Variants in ROBO2 observed in about 807,000 individuals in gnomAD.
ROBO2 encodes the protein roundabout homolog 2.
Under a neutral mutation model 160.8 loss-of-function variants are expected in ROBO2, and 53 were observed. The ratio of observed to expected loss-of-function variants is 0.33; its 90% CI spans 0.26 to 0.41. ROBO2 has a LOEUF of 0.41. Among genes scored for constraint, ROBO2 ranks in the 10% least tolerant of loss-of-function variants. ROBO2 has a pLI of 1.00. For synonymous variants in ROBO2, 664 were observed against 611.7 expected, an observed-to-expected ratio of 1.09 and a Z score of -1.26; for missense variants, 1,577 against 1,722.4, an observed-to-expected ratio of 0.92 and a Z score of 1.49.
At chr3:77,557,694 T>C (rs1452852101) in intron 8 of ROBO2, among the ~76,000 whole-genome samples, 1 of 152,018 alleles carries the variant, frequency 6.6e-6, no homozygotes, top group Non-Finnish European at 1.5e-5. Context: ...ATTTTAATTA[T>C]AGGTAATGCA....
At chr3:76,127,123 A>G (rs1026824792) in intron 2 of ROBO2, among the ~76,000 whole-genome samples, 1 of 152,128 alleles carries the variant, frequency 6.6e-6, no homozygotes, top group Admixed American at 6.5e-5. Context: ...CTTAAAGATG[A>G]TCCATTACTA....
intron 2 of ROBO2, among the ~76,000 whole-genome samples, chr3:76,669,000 T>G (rs1196653539): frequency 6.6e-6 from 1 of 152,098 alleles, no homozygotes; most frequent in Non-Finnish European, 1.5e-5. Flanking sequence ...ATGAGACGCC[T>G]TTTTTGTAGT....
chr3:76,065,640 T>C (rs1225741468), intron 2 of ROBO2, among the ~76,000 whole-genome samples: 1 of 151,504 alleles, frequency 6.6e-6, no homozygotes, highest in Non-Finnish European at 1.5e-5. Flanking sequence ...AAGTAAAAAT[T>C]ATCTGACAAA....
intron 2 of ROBO2, among the ~76,000 whole-genome samples, chr3:76,059,032 C>G (rs1435684270): frequency 2.0e-5 from 3 of 150,596 alleles, no homozygotes; most frequent in Non-Finnish European, 3.0e-5. Flanking sequence ...GCCACATTTT[C>G]TTAATCCAGT....
At chr3:76,213,576 A>C (rs576511301) in intron 2 of ROBO2, among the ~76,000 whole-genome samples, 1 of 152,168 alleles carries the variant, frequency 6.6e-6, no homozygotes, top group African/African-American at 2.4e-5. Flanking sequence ...ACCTTTATAC[A>C]TCTATTTTTA....
chr3:77,601,627 A>C (rs1412233868), intron 19 of ROBO2, among the ~76,000 whole-genome samples: 2 of 152,232 alleles, frequency 1.3e-5, no homozygotes, highest in Non-Finnish European at 1.5e-5. Context: ...TATATTGTGA[A>C]AATGGCTTAC....
At chr3:77,040,170 G>C (rs1203878717) in exon 1 of ROBO2, 2 of 985,638 alleles carry the variant, frequency 2.0e-6, no homozygotes, top group African/African-American at 3.5e-5. Context: ...CCGGAGAGGT[G>C]GAGGGAGGGC....
chr3:77,587,102 A>G (rs1238412891), intron 16 of ROBO2, among the ~76,000 whole-genome samples: 1 of 152,090 alleles, frequency 6.6e-6, no homozygotes, highest in African/African-American at 2.4e-5. Context: ...GGTCAGCAGA[A>G]TGGGAAATGG....
intron 2 of ROBO2, among the ~76,000 whole-genome samples, chr3:77,159,756 A>G (rs181349120): frequency 2.0e-4 from 30 of 152,278 alleles, no homozygotes; most frequent in Non-Finnish European, 1.0e-4. Context: ...TGAAATTATA[A>G]AAGTGTGTAA....
intron 2 of ROBO2, among the ~76,000 whole-genome samples, chr3:76,755,612 T>G (rs2060925761): frequency 6.6e-6 from 1 of 151,920 alleles, no homozygotes; most frequent in Admixed American, 6.6e-5. Flanking sequence ...TTTGTTCTCA[T>G]GGTGACACCT....
chr3:76,119,885 CCCTTCCCTT>C (rs772382258), intron 2 of ROBO2, among the ~76,000 whole-genome samples: 1 of 136,130 alleles, frequency 7.3e-6, no homozygotes, highest in Non-Finnish European at 1.5e-5. Flanking sequence ...TCCCTTCCTT[CCCTTCCCTT>C]CCTTCCCTTC....
intron 2 of ROBO2, among the ~76,000 whole-genome samples, chr3:76,761,297 C>T (rs1284577977): frequency 6.6e-6 from 1 of 151,728 alleles, no homozygotes; most frequent in Non-Finnish European, 1.5e-5. Flanking sequence ...AGATTAGGCT[C>T]AGCTCTGTTT....
rs140496667 is a variant in ROBO2, at chr3:77,324,103, T to C, written c.389-153311T>C. Among the ~76,000 whole-genome samples, 1,022 of 152,256 alleles carry C rather than the reference T, an allele frequency of 6.7e-3. 5 individuals are homozygous for C. Among genetic ancestry groups the C allele is most frequent in the Non-Finnish European group, 9.6e-3 (655 of 68,016 alleles). Reference sequence around the variant, plus strand: ...CTTGGGACAGTCCACAGTGAGACTTTAGATTAATGGTCACAGACTATAACC... The same window carrying C: ...CTTGGGACAGTCCACAGTGAGACTTCAGATTAATGGTCACAGACTATAACC... On this transcript the variant is annotated intron_variant, in intron 2 of 25. Coordinates refer to ENST00000461745, the Ensembl canonical transcript of ROBO2.
intron 2 of ROBO2, among the ~76,000 whole-genome samples, chr3:77,470,619 A>G (rs1332580360): frequency 6.6e-6 from 1 of 152,214 alleles, no homozygotes. Context: ...ATAGATTAAA[A>G]GTGTCATTAT....
intron 2 of ROBO2, among the ~76,000 whole-genome samples, chr3:77,462,954 G>A (rs1432361502): frequency 6.6e-6 from 1 of 152,124 alleles, no homozygotes; most frequent in Admixed American, 6.5e-5. Context: ...TGAAAACAAA[G>A]TTTCCTCCAT....
chr3:76,840,524 C>A (rs960769800), intron 2 of ROBO2, among the ~76,000 whole-genome samples: 2 of 151,016 alleles, frequency 1.3e-5, no homozygotes, highest in Admixed American at 6.6e-5. Context: ...GCAGGAGAAT[C>A]GCTTGAACCC....
upstream of ROBO2, among the ~76,000 whole-genome samples, chr3:77,038,575 G>A (rs2063772456): frequency 1.3e-5 from 2 of 152,172 alleles, no homozygotes; most frequent in Non-Finnish European, 2.9e-5. Flanking sequence ...TTTCCAGTAG[G>A]GGGAACTAAA....
At chr3:76,469,216 G>A (rs570238601) in intron 2 of ROBO2, among the ~76,000 whole-genome samples, 5 of 152,094 alleles carry the variant, frequency 3.3e-5, no homozygotes, top group South Asian at 2.1e-4. Flanking sequence ...TGACAATGAC[G>A]ATAATAATGA....
intron 2 of ROBO2, among the ~76,000 whole-genome samples, chr3:76,467,423 C>G (rs1559996001): frequency 1.3e-5 from 2 of 152,046 alleles, no homozygotes; most frequent in South Asian, 4.1e-4. Flanking sequence ...ATAAAATACA[C>G]ATGTTTAGAA....
Sources: allele counts gnomAD v4.1 joint callset (sites outside exome capture counted in the v4.1 genomes callset), GRCh38; gene constraint gnomAD v4.1.1; transcripts MANE v1.5; gene names NCBI Gene and HGNC (gene_info 2026-07-23, HGNC 2026-07-21).